The following RAB28 variants were observed in gnomAD, a reference collection of about 807,000 sequenced individuals.
RAB28 encodes the protein ras-related protein Rab-28.
In RAB28, 24 loss-of-function variants were observed where a neutral mutation model predicts 31.7. The observed-to-expected ratio is 0.76, with a 90% CI of 0.55 to 1.06. The LOEUF is 1.06. RAB28 is among the 50% of genes least tolerant of loss of function. RAB28 has a pLI of 0.00. For synonymous variants in RAB28, 100 were observed against 90.4 expected (o/e 1.11, Z -0.60); for missense variants, 254 against 258.5 (o/e 0.98, Z 0.12).
intron 4 of RAB28, among the ~76,000 whole-genome samples, chr4:13,411,192 T>C (rs781572910): frequency 6.6e-6 from 1 of 152,078 alleles, no homozygotes; most frequent in African/African-American, 2.4e-5. Flanking sequence ...CTATAGGTTA[T>C]AAGGAGAAAA....
At chr4:13,458,728 A>G (rs941015081) in intron 4 of RAB28, among the ~76,000 whole-genome samples, 1 of 152,210 alleles carries the variant, frequency 6.6e-6, no homozygotes, top group African/African-American at 2.4e-5. Flanking sequence ...TTCTATGCTT[A>G]GACAGATAAA....
intron 4 of RAB28, among the ~76,000 whole-genome samples, chr4:13,440,534 C>A (rs929494034): frequency 6.6e-6 from 1 of 151,806 alleles, no homozygotes; most frequent in Admixed American, 6.6e-5. Flanking sequence ...CTTTTTCATA[C>A]CAAAGGGCTC....
At chr4:13,378,881 G>T (rs1729020591) in intron 5 of RAB28, among the ~76,000 whole-genome samples, 1 of 152,096 alleles carries the variant, frequency 6.6e-6, no homozygotes, top group Non-Finnish European at 1.5e-5. Flanking sequence ...AATAGAGGAG[G>T]ATAGTTTGAA....
In RAB28 at chr4:13,368,573, C is replaced by T. The variant is rs746466147; in HGVS notation, c.651G>A (p.Met217Ile). The T allele has an allele frequency of 6.2e-7, 1 of 1,611,930 alleles. No homozygotes were observed. Residue 217 changes from methionine to isoleucine, a missense_variant, in exon 7 of 7, where the codon ATG (methionine) becomes ATA (isoleucine). Met to Ile is a conservative substitution (Grantham distance 10). Coordinates refer to ENST00000330852, the MANE Select transcript of RAB28 (RefSeq NM_001017979.3). ...SRTVNPPRSSMCAVQ is the reference protein window; with the variant it reads ...SRTVNPPRSSICAVQ The stretch of plus-strand genomic sequence containing the variant: ...AAAAATGCGCTCACTGAACTGCACA[C>T]ATAGAGCTTCTAGGAGGGTTAACAG...
In RAB28 at chr4:13,369,965, G is replaced by A. The variant is rs755627331; in HGVS notation, c.574-1315C>T. 46 of 1,608,866 alleles carry A rather than the reference G, an allele frequency of 2.9e-5. No homozygotes were observed. The highest frequency in any genetic ancestry group is 1.6e-4 in the Middle Eastern group (1 of 6,064). ...TTCACTATTTCTGCCCTGACAATAC[G>A]CTGTCAATTCCATACAACATAAATG... On this transcript the variant is annotated intron_variant, in intron 6 of 6. Coordinates refer to ENST00000330852, the MANE Select transcript of RAB28 (RefSeq NM_001017979.3).
chr4:13,444,270 A>C (rs1033304032), intron 4 of RAB28, among the ~76,000 whole-genome samples: 4 of 150,710 alleles, frequency 2.7e-5, no homozygotes, highest in Non-Finnish European at 4.4e-5. Flanking sequence ...CTCATGATCC[A>C]CCCGCCTCAG....
At chr4:13,456,094 T>C (rs1715285021) in intron 4 of RAB28, among the ~76,000 whole-genome samples, 1 of 152,208 alleles carries the variant, frequency 6.6e-6, no homozygotes, top group African/African-American at 2.4e-5. Context: ...TTAAAGACTC[T>C]CTTTGTCTCA....
intron 5 of RAB28, among the ~76,000 whole-genome samples, chr4:13,381,184 A>T (rs886566402): frequency 1.3e-5 from 2 of 152,116 alleles, no homozygotes; most frequent in African/African-American, 4.8e-5. Context: ...AGGCAGCAGC[A>T]CTAGTGTGAG....
chr4:13,431,348 G>C (rs1013504327), intron 4 of RAB28, among the ~76,000 whole-genome samples: 1 of 152,156 alleles, frequency 6.6e-6, no homozygotes, highest in African/African-American at 2.4e-5. Context: ...TCAAGATGAA[G>C]AGCTGGTGCA....
intron 4 of RAB28, among the ~76,000 whole-genome samples, chr4:13,422,553 GAA>G (rs572003555): frequency 0.056 from 8,528 of 152,190 alleles, 551 homozygotes; most frequent in African/African-American, 0.16. Flanking sequence ...ATACAACATG[GAA>G]AATACTATGC....
At chr4:13,400,332 A>C (rs1055078063) in intron 4 of RAB28, among the ~76,000 whole-genome samples, 2 of 152,180 alleles carry the variant, frequency 1.3e-5, no homozygotes, top group Non-Finnish European at 2.9e-5. Context: ...TATACATTTT[A>C]GATACAGTTT....
At chr4:13,448,031 A>C (rs983200897) in intron 4 of RAB28, among the ~76,000 whole-genome samples, 2 of 152,120 alleles carry the variant, frequency 1.3e-5, no homozygotes, top group Admixed American at 1.3e-4. Context: ...GAGGATGACC[A>C]TAAGTGGTTA....
At chr4:13,424,541 C>T (rs1289170756) in intron 4 of RAB28, among the ~76,000 whole-genome samples, 1 of 152,184 alleles carries the variant, frequency 6.6e-6, no homozygotes, top group Non-Finnish European at 1.5e-5. Flanking sequence ...TAAATAAGAT[C>T]ACACCCACAG....
At chr4:13,385,395 T>A (rs1361645500) in intron 4 of RAB28, among the ~76,000 whole-genome samples, 1 of 152,024 alleles carries the variant, frequency 6.6e-6, no homozygotes, top group Non-Finnish European at 1.5e-5. Context: ...CCAAGACACA[T>A]AATCATCAGA....
chr4:13,442,008 C>T (rs574611961), intron 4 of RAB28, among the ~76,000 whole-genome samples: 19 of 152,248 alleles, frequency 1.2e-4, no homozygotes, highest in Admixed American at 7.2e-4. Context: ...CTTGAGAGCA[C>T]GTTTTAAAAT....
chr4:13,418,643 A>G (rs1002949907), intron 4 of RAB28, among the ~76,000 whole-genome samples: 2 of 152,244 alleles, frequency 1.3e-5, no homozygotes, highest in African/African-American at 4.8e-5. Flanking sequence ...TTTCATATCC[A>G]GCCAAACTAA....
intron 3 of RAB28, among the ~76,000 whole-genome samples, chr4:13,465,945 C>A: frequency 6.6e-6 from 1 of 151,758 alleles, no homozygotes; most frequent in East Asian, 1.9e-4. Flanking sequence ...GATTTTTCAA[C>A]AACAGAGCCA....
intron 4 of RAB28, among the ~76,000 whole-genome samples, chr4:13,392,823 G>A (rs1199969538): frequency 2.0e-5 from 3 of 152,156 alleles, no homozygotes; most frequent in Non-Finnish European, 2.9e-5. Context: ...ATTACTCAAT[G>A]TACACATATT....
intron 4 of RAB28, among the ~76,000 whole-genome samples, chr4:13,440,052 T>C (rs1714331703): frequency 6.6e-6 from 1 of 152,154 alleles, no homozygotes; most frequent in African/African-American, 2.4e-5. Flanking sequence ...TTGCTGCACC[T>C]AAAAATTTTC....
Sources: gnomAD v4.1 joint callset for allele counts (sites outside exome capture counted in the v4.1 genomes callset) on GRCh38, gnomAD v4.1.1 for gene constraint, MANE v1.5 for transcripts, NCBI Gene and HGNC (gene_info 2026-07-23, HGNC 2026-07-21) for gene names.